The following GRIA4 variants were observed in gnomAD, a reference collection of about 807,000 sequenced individuals.
GRIA4 encodes glutamate receptor 4.
In GRIA4, 34 loss-of-function variants were observed where a neutral mutation model predicts 104.0. That is an observed-to-expected ratio of 0.33 (90% CI 0.25 to 0.44). GRIA4 has a LOEUF of 0.44. GRIA4 is among the 20% of genes least tolerant of loss of function. GRIA4 has a pLI of 1.00. For synonymous variants in GRIA4, 386 were observed against 381.9 expected, an observed-to-expected ratio of 1.01 and a Z score of -0.13; for missense variants, 750 against 1,096.5, an observed-to-expected ratio of 0.68 and a Z score of 4.46.
At position 105,885,642 on chromosome 11, in the gene GRIA4, A is replaced by G. The variant is rs1339851081; in HGVS notation, c.673-1877A>G. Among the ~76,000 whole-genome samples the G allele has an allele frequency of 4.6e-5, 7 of 152,228 alleles. No individual in the cohort carries two copies. In the East Asian group the frequency reaches 1.3e-3, roughly 29 times the overall value. On this transcript the variant is annotated intron_variant, in intron 5 of 16. Transcript: ENST00000282499. Reference sequence around the variant, plus strand: ...GACCAGTGAAGGGCAACAGCCCAATAAAAGGGTATAGCTGAAAAAATTCTG... The same window carrying G: ...GACCAGTGAAGGGCAACAGCCCAATGAAAGGGTATAGCTGAAAAAATTCTG...
At chr11:105,716,679 A>C (rs927683495) in intron 3 of GRIA4, among the ~76,000 whole-genome samples, 1 of 152,176 alleles carries the variant, frequency 6.6e-6, no homozygotes, top group Non-Finnish European at 1.5e-5. Flanking sequence ...CTAGAGAAGA[A>C]TAGTTTGCAC....
chr11:105,663,025 G>A (rs190155229), intron 3 of GRIA4, among the ~76,000 whole-genome samples: 8 of 151,818 alleles, frequency 5.3e-5, no homozygotes, highest in East Asian at 3.9e-4. Flanking sequence ...AAATAATCAC[G>A]ACAGATAATC....
At chr11:105,933,593 C>T in intron 13 of GRIA4, 129 bp from the exon 14 acceptor site, 3 of 636,486 alleles carry the variant, frequency 4.7e-6, no homozygotes, top group Non-Finnish European at 8.2e-6. Context: ...TATTATGTTA[C>T]TCTGTGGCAA....
chr11:105,902,381 A>G (rs2136140013), intron 7 of GRIA4, among the ~76,000 whole-genome samples: 1 of 150,330 alleles, frequency 6.7e-6, no homozygotes, highest in African/African-American at 2.5e-5. Context: ...CCCAGGCTGG[A>G]GTGCAGTGGC....
chr11:105,923,987 T>C (rs1947638928), intron 11 of GRIA4, among the ~76,000 whole-genome samples: 1 of 152,142 alleles, frequency 6.6e-6, no homozygotes, highest in Admixed American at 6.6e-5. Flanking sequence ...TCAGTGGCAA[T>C]GCTCCAAATG....
chr11:105,902,346 T>C (rs973032715), intron 7 of GRIA4, among the ~76,000 whole-genome samples: 1 of 151,888 alleles, frequency 6.6e-6, no homozygotes, highest in Non-Finnish European at 1.5e-5. Context: ...TTTTTTTCTT[T>C]CTGAGACAGG....
chr11:105,726,787 T>C (rs1938239072), intron 3 of GRIA4, among the ~76,000 whole-genome samples: 1 of 151,790 alleles, frequency 6.6e-6, no homozygotes, highest in Non-Finnish European at 1.5e-5. Context: ...CCTGCAGAAG[T>C]GGGACCTGAC....
intron 4 of GRIA4, among the ~76,000 whole-genome samples, chr11:105,857,359 T>C (rs545428105): frequency 8.5e-5 from 13 of 152,112 alleles, no homozygotes; most frequent in African/African-American, 2.2e-4. Flanking sequence ...ACCAGAGATA[T>C]TGATGATGTA....
At chr11:105,762,529 T>C (rs1340320113) in intron 4 of GRIA4, among the ~76,000 whole-genome samples, 3 of 152,188 alleles carry the variant, frequency 2.0e-5, no homozygotes, top group Non-Finnish European at 4.4e-5. Context: ...ACAGATGTTT[T>C]TGTGTGTTTT....
chr11:105,835,871 G>C (rs1163911863), intron 4 of GRIA4, among the ~76,000 whole-genome samples: 1 of 151,426 alleles, frequency 6.6e-6, no homozygotes, highest in African/African-American at 2.4e-5. Context: ...GCTTAAAAAA[G>C]GAGAAAATAA....
At chr11:105,648,506 CAA>C (rs1429313289) in intron 3 of GRIA4, among the ~76,000 whole-genome samples, 1 of 148,788 alleles carries the variant, frequency 6.7e-6, no homozygotes, top group African/African-American at 2.5e-5. Flanking sequence ...TTGAATGCCT[CAA>C]AGAGTTTAAA....
intron 3 of GRIA4, among the ~76,000 whole-genome samples, chr11:105,657,843 T>G (rs1951889125): frequency 6.6e-6 from 1 of 151,928 alleles, no homozygotes; most frequent in African/African-American, 2.4e-5. Context: ...GATTCAAATA[T>G]TAGTACAGAT....
chr11:105,723,586 AT>A (rs896263456), intron 3 of GRIA4, among the ~76,000 whole-genome samples: 1 of 152,098 alleles, frequency 6.6e-6, no homozygotes, highest in African/African-American at 2.4e-5. Context: ...CTACTAATTT[AT>A]TTCCCTTAAT....
At chr11:105,638,283 T>C (rs921079398) in intron 3 of GRIA4, among the ~76,000 whole-genome samples, 13 of 151,530 alleles carry the variant, frequency 8.6e-5, no homozygotes, top group African/African-American at 2.9e-4. Flanking sequence ...AAAGATGGAG[T>C]GAAAGAGATG....
At chr11:105,961,075 GA>G (rs1428983356) in intron 14 of GRIA4, among the ~76,000 whole-genome samples, 2 of 152,150 alleles carry the variant, frequency 1.3e-5, no homozygotes, top group African/African-American at 4.8e-5. Flanking sequence ...CCGCCCATCC[GA>G]TCTCCAGTTT....
intron 9 of GRIA4, 102 bp from the exon 10 acceptor site, chr11:105,910,333 A>T: frequency 1.1e-5 from 7 of 630,636 alleles, no homozygotes; most frequent in East Asian, 2.8e-5. Flanking sequence ...GTTTGCTTAC[A>T]TTTGTTTTGT....
intron 10 of GRIA4, among the ~76,000 whole-genome samples, chr11:105,918,325 A>C (rs1947467088): frequency 6.6e-6 from 1 of 152,144 alleles, no homozygotes; most frequent in South Asian, 2.1e-4. Context: ...TTAGTCTTTT[A>C]TGAGGTGAAG....
At chr11:105,801,946 A>G (rs1353917614) in intron 4 of GRIA4, among the ~76,000 whole-genome samples, 1 of 152,120 alleles carries the variant, frequency 6.6e-6, no homozygotes, top group East Asian at 1.9e-4. Flanking sequence ...ATCACAAAGC[A>G]AGGTTGAAGA....
At chr11:105,955,255 C>CT (rs1156508864) in intron 14 of GRIA4, among the ~76,000 whole-genome samples, 4 of 151,906 alleles carry the variant, frequency 2.6e-5, no homozygotes, top group Non-Finnish European at 5.9e-5. Context: ...GACCCGCCCT[C>CT]TAAGTTCCCT....
Sources: gnomAD v4.1 joint callset for allele counts (sites outside exome capture counted in the v4.1 genomes callset) on GRCh38, gnomAD v4.1.1 for gene constraint, MANE v1.5 for transcripts, NCBI Gene and HGNC (gene_info 2026-07-23, HGNC 2026-07-21) for gene names.